TSPEAR: variants seen among roughly 807,000 people sequenced by gnomAD.
The protein encoded by TSPEAR is thrombospondin type laminin G domain and EAR repeats, also known as thrombospondin-type laminin G domain and EAR repeat-containing protein.
A neutral mutation model predicts 71.6 loss-of-function variants in TSPEAR; 69 were observed. That is an observed-to-expected ratio of 0.96 (90% CI 0.79 to 1.18). TSPEAR has a LOEUF of 1.18. Among genes scored for constraint, TSPEAR ranks in the 50% most tolerant of loss-of-function variants. The pLI is 0.00. For synonymous variants in TSPEAR, 402 were observed against 387.2 expected (o/e 1.04, Z -0.45); for missense variants, 971 against 894.9 (o/e 1.09, Z -1.09).
intron 8 of TSPEAR, among the ~76,000 whole-genome samples, chr21:44,525,151 T>C (rs1189187093): frequency 6.7e-6 from 1 of 148,380 alleles, no homozygotes; most frequent in Non-Finnish European, 1.5e-5. Flanking sequence ...GACAGTCAGG[T>C]AGTTAGTCAG....
chr21:44,523,204 A>G (rs587606122), intron 8 of TSPEAR, among the ~76,000 whole-genome samples: 1 of 150,314 alleles, frequency 6.7e-6, no homozygotes, highest in East Asian at 2.0e-4. Flanking sequence ...TCAGTGAAGT[A>G]GTCAGTCAGC....
At chr21:44,700,693 C>T (rs1987608025) in intron 1 of TSPEAR, among the ~76,000 whole-genome samples, 1 of 152,214 alleles carries the variant, frequency 6.6e-6, no homozygotes, top group Non-Finnish European at 1.5e-5. Context: ...AACCCACCTG[C>T]AGCAGGGAAA....
At chr21:44,533,634 C>T (rs2053021057) in intron 3 of TSPEAR, 51 bp downstream of exon 3, 3 of 1,475,442 alleles carry the variant, frequency 2.0e-6, no homozygotes, top group East Asian at 2.3e-5. Context: ...GATGCCTGGC[C>T]TGGCAGGACT....
At chr21:44,558,500 G>T (rs992177150) in intron 2 of TSPEAR, 2 of 1,613,928 alleles carry the variant, frequency 1.2e-6, no homozygotes, top group Middle Eastern at 1.7e-4. Context: ...TGCAGGAGCT[G>T]GTGCAGCCTG....
At chr21:44,679,765 G>A (rs1555947625) in intron 1 of TSPEAR, among the ~76,000 whole-genome samples, 1 of 152,098 alleles carries the variant, frequency 6.6e-6, no homozygotes, top group African/African-American at 2.4e-5. Context: ...TTCAACAAAG[G>A]TGCCAAGAAC....
chr21:44,551,450 G>C (rs375834201), intron 2 of TSPEAR: 2 of 1,609,978 alleles, frequency 1.2e-6, no homozygotes, highest in East Asian at 4.5e-5. Flanking sequence ...ACATGGTGGA[G>C]GCGGCCATGC....
intron 2 of TSPEAR, chr21:44,558,872 C>G (rs2053593582): frequency 3.2e-6 from 3 of 925,900 alleles, no homozygotes; most frequent in Non-Finnish European, 4.8e-6. Context: ...TTCGAGAAGC[C>G]TTCCTCTTCC....
chr21:44,607,316 C>A (rs760885633), intron 1 of TSPEAR, among the ~76,000 whole-genome samples: 3 of 152,194 alleles, frequency 2.0e-5, no homozygotes, highest in Non-Finnish European at 4.4e-5. Flanking sequence ...CTGACCTCAT[C>A]ATCCACCTGC....
chr21:44,676,056 A>C, intron 1 of TSPEAR: 1 of 874,970 alleles, frequency 1.1e-6, no homozygotes, highest in Non-Finnish European at 2.0e-6. Flanking sequence ...TGCTCAATGC[A>C]ATAGGAGGCA....
chr21:44,694,114 C>A (rs1987230418), intron 1 of TSPEAR, among the ~76,000 whole-genome samples: 1 of 152,166 alleles, frequency 6.6e-6, no homozygotes, highest in Non-Finnish European at 1.5e-5. Context: ...AACAAGAATG[C>A]CAAGACCATT....
Position 44,647,299 on chromosome 21 carries a change from G to A in TSPEAR, c.82+64134C>T, listed in dbSNP as rs782690802. 127 of 1,612,696 alleles carry A rather than the reference G, an allele frequency of 7.9e-5. 1 individual carries two copies. The highest frequency in any genetic ancestry group is 1.8e-4 in the South Asian group (16 of 90,998). On this transcript the variant is annotated intron_variant, in intron 1 of 11. Coordinates refer to ENST00000323084, the MANE Select transcript of TSPEAR (RefSeq NM_144991.3). ...CTGCGTGTCCCTCCTCTGCCGCCCCGCAAGCTCCCGCCTGGCCTGCTACAG... is the reference window on the plus strand; with the variant it reads ...CTGCGTGTCCCTCCTCTGCCGCCCCACAAGCTCCCGCCTGGCCTGCTACAG...
chr21:44,514,275 T>G (rs1555913072), intron 9 of TSPEAR, among the ~76,000 whole-genome samples: 1 of 152,232 alleles, frequency 6.6e-6, no homozygotes, highest in African/African-American at 2.4e-5. Context: ...AAGCACCACA[T>G]GGCTGCCTGC....
intron 1 of TSPEAR, among the ~76,000 whole-genome samples, chr21:44,701,288 G>A (rs752676572): frequency 1.1e-4 from 17 of 152,066 alleles, no homozygotes; most frequent in Non-Finnish European, 2.1e-4. Flanking sequence ...TTCCAGCGAC[G>A]TGAAACGATA....
Position 44,499,827 on chromosome 21 carries a change from C to T in TSPEAR, c.1966G>A (p.Ala656Thr), listed in dbSNP as rs782728193. 8.4e-5 allele frequency: 134 copies of T among 1,586,262 alleles called. No individual in the cohort carries two copies. Among genetic ancestry groups the T allele is most frequent in the African/African-American group, 1.1e-4 (8 of 74,188 alleles). ...TAGAYLIYSS[A>T]KEPLSRVLRL... ...AGGACCCTGGAGAGGGGCTCCTTGG[C>T]GCTGGAGTAGATGAGGTAGGCACCA... The change falls in exon 12 of 12, where the codon GCC becomes ACC. Residue 656 changes from alanine to threonine, a missense_variant. Coordinates refer to ENST00000323084, the MANE Select transcript of TSPEAR (RefSeq NM_144991.3).
Position 44,503,432 on chromosome 21 carries a change from G to C in TSPEAR, c.1856+1348C>G, listed in dbSNP as rs1184060604. The stretch of plus-strand genomic sequence containing the variant: ...GAGGCCGGAGTTGGTGAGCCCTCGG[G>C]GGGAAGCAAGGCTCTGGGAGGAAGC... On this transcript the variant is annotated intron_variant, in intron 11 of 11. Coordinates refer to ENST00000323084, the MANE Select transcript of TSPEAR (RefSeq NM_144991.3). Among the ~76,000 whole-genome samples the C allele has an allele frequency of 5.2e-5, 7 of 133,392 alleles. No individual in the cohort carries two copies. In the East Asian group the frequency reaches 1.4e-3, roughly 27 times the overall value. The allele number at this position is 133,392 out of a possible 152,430, so 87.5% of individuals were successfully genotyped here. A position where few individuals can be genotyped will look rare whatever the true frequency, so the allele number is the denominator to read the frequency against.
At chr21:44,508,849 C>T in intron 10 of TSPEAR, 1 of 1,403,816 alleles carries the variant, frequency 7.1e-7, no homozygotes, top group South Asian at 1.2e-5. Flanking sequence ...CACCTCGCAC[C>T]TGTCCCTCTG....
chr21:44,647,977 C>G (rs1555940600), intron 1 of TSPEAR, among the ~76,000 whole-genome samples: 1 of 152,226 alleles, frequency 6.6e-6, no homozygotes, highest in Non-Finnish European at 1.5e-5. Context: ...CGGGAAGAAG[C>G]AGAAATCCCG....
chr21:44,688,276 A>T (rs1431097598), intron 1 of TSPEAR, among the ~76,000 whole-genome samples: 1 of 140,634 alleles, frequency 7.1e-6, no homozygotes, highest in African/African-American at 2.6e-5. Context: ...CAGAAGCAGC[A>T]GGACAGTCAT....
At position 44,510,505 on chromosome 21, in the gene TSPEAR, C is replaced by T. The variant is rs587683972; in HGVS notation, c.1567-1119G>A. Among the ~76,000 whole-genome samples, 25 of 152,368 alleles carry T rather than the reference C, an allele frequency of 1.6e-4. 1 individual carries two copies. The South Asian group carries it at 4.3e-3, about 26-fold the overall frequency. On this transcript the variant is annotated intron_variant, in intron 9 of 11. Coordinates refer to ENST00000323084, the MANE Select transcript of TSPEAR (RefSeq NM_144991.3). ...CCTGGGTCTGATGCGACCTGCCCTCCGCAGCAGGTCAGGCACCCTCCCTTG... is the reference window on the plus strand; with the variant it reads ...CCTGGGTCTGATGCGACCTGCCCTCTGCAGCAGGTCAGGCACCCTCCCTTG...
Sources: gnomAD v4.1 joint callset for allele counts (sites outside exome capture counted in the v4.1 genomes callset) on GRCh38, gnomAD v4.1.1 for gene constraint, MANE v1.5 for transcripts, NCBI Gene and HGNC (gene_info 2026-07-23, HGNC 2026-07-21) for gene names.